PALM: variants seen among roughly 807,000 people sequenced by gnomAD.
PALM encodes the protein paralemmin-1.
In PALM, 18 loss-of-function variants were observed where a neutral mutation model predicts 30.7. That is an observed-to-expected ratio of 0.59 (90% confidence interval 0.41 to 0.87). The LOEUF (loss-of-function observed/expected upper bound fraction) is 0.87, where lower values mean the gene tolerates loss of function less well. PALM is among the 40% of genes least tolerant of loss of function. PALM has a pLI of 0.00. For synonymous variants in PALM, 286 were observed against 242.8 expected, an observed-to-expected ratio of 1.18 and a Z score of -1.66; for missense variants, 529 against 555.4, an observed-to-expected ratio of 0.95 and a Z score of 0.48.
chr19:720,279 C>A (rs936324709), intron 1 of PALM, among the ~76,000 whole-genome samples: 2 of 151,950 alleles, frequency 1.3e-5, no homozygotes, highest in South Asian at 4.1e-4. Flanking sequence ...CCCGCGGGCC[C>A]CTCCATCCAT....
chr19:728,021 G>A (rs62131299), intron 4 of PALM, among the ~76,000 whole-genome samples: 12 of 94,728 alleles, frequency 1.3e-4, no homozygotes, highest in Non-Finnish European at 1.6e-4. Flanking sequence ...CTGGCCAGCG[G>A]GGGACGTGAC....
At chr19:727,430 T>C (rs1209759760) in intron 3 of PALM, 134 bp from the exon 4 acceptor site, 2 of 696,378 alleles carry the variant, frequency 2.9e-6, no homozygotes, top group Non-Finnish European at 5.0e-6. Context: ...TCAGCACTGA[T>C]CCCAACCATA....
intron 5 of PALM, among the ~76,000 whole-genome samples, chr19:733,815 C>T (rs549148939): frequency 9.2e-5 from 14 of 151,972 alleles, no homozygotes; most frequent in South Asian, 6.2e-4. Context: ...GGAGAAACCC[C>T]GTCTCTACTA....
intron 8 of PALM, among the ~76,000 whole-genome samples, chr19:741,094 G>A (rs1408171676): frequency 6.6e-6 from 1 of 152,020 alleles, no homozygotes; most frequent in Non-Finnish European, 1.5e-5. Context: ...AGCCGTGATC[G>A]CACCACTGCA....
chr19:745,803 G>A (rs1009247310), intron 8 of PALM, among the ~76,000 whole-genome samples: 5 of 150,862 alleles, frequency 3.3e-5, no homozygotes, highest in African/African-American at 1.2e-4. Context: ...TCACGCCTGT[G>A]ATCCCAGCAC....
Position 731,159 on chromosome 19 carries a change from G to T in PALM, c.334G>T (p.Ala112Ser), listed in dbSNP as rs747718315. 1 of 1,609,246 alleles carries T rather than the reference G, an allele frequency of 6.2e-7. No individual in the cohort carries two copies. The highest frequency in any genetic ancestry group is 1.3e-5 in the African/African-American group (1 of 74,964). Residue 112 changes from alanine to serine, a missense_variant, in exon 5 of 9, where the codon GCG becomes TCG. Transcript: ENST00000338448. ...CGCCCCAGCCACTGCCAAGGAGAAC[G>T]CGGCGGCCCCGAGCCCAGTCCGGGC... ...DSAPATAKEN[A>S]AAPSPVRAPA...
intron 8 of PALM, among the ~76,000 whole-genome samples, chr19:744,162 A>C (rs1159467380): frequency 6.6e-6 from 1 of 152,156 alleles, no homozygotes; most frequent in Non-Finnish European, 1.5e-5. Context: ...GCACTTTGGG[A>C]GGCTGAGGCA....
chr19:739,890 C>T (rs1043012556), intron 7 of PALM, among the ~76,000 whole-genome samples: 1 of 152,158 alleles, frequency 6.6e-6, no homozygotes, highest in Non-Finnish European at 1.5e-5. Flanking sequence ...GCAGGAGAAT[C>T]GCTAGAACCG....
chr19:716,912 T>G (rs996175348), intron 1 of PALM, among the ~76,000 whole-genome samples: 2 of 152,076 alleles, frequency 1.3e-5, no homozygotes, highest in African/African-American at 4.8e-5. Flanking sequence ...AGCTCAGGCG[T>G]TTTTAGTACA....
intron 1 of PALM, chr19:719,013 T>G (rs1247425543): frequency 1.7e-4 from 18 of 107,344 alleles, no homozygotes; most frequent in Non-Finnish European, 2.5e-4. Flanking sequence ...ACCCCACACC[T>G]CGCAGCCCCG....
At chr19:725,925 G>A (rs1311062800) in intron 1 of PALM, among the ~76,000 whole-genome samples, 6 of 152,150 alleles carry the variant, frequency 3.9e-5, no homozygotes, top group Admixed American at 2.0e-4. Flanking sequence ...CTTCCTGGTC[G>A]CTAGGCAGAG....
intron 8 of PALM, among the ~76,000 whole-genome samples, chr19:741,709 C>G (rs74497968): frequency 1.3e-5 from 2 of 151,908 alleles, no homozygotes; most frequent in Admixed American, 6.6e-5. Context: ...TGGGTCCTGA[C>G]GGTGCTGAGG....
intron 1 of PALM, chr19:719,229 C>A: frequency 1.0e-6 from 1 of 985,580 alleles, no homozygotes; most frequent in Non-Finnish European, 1.2e-6. Context: ...GGACAGGGCC[C>A]GCCCTGCTCG....
At chr19:735,485 C>T in intron 6 of PALM, among the ~76,000 whole-genome samples, 1 of 72,492 alleles carries the variant, frequency 1.4e-5, no homozygotes, top group Non-Finnish European at 2.9e-5. Context: ...GCCCAGGTGC[C>T]TGTGTCCGGG....
At chr19:722,125 A>G (rs561300462) in intron 1 of PALM, among the ~76,000 whole-genome samples, 174 of 149,898 alleles carry the variant, frequency 1.2e-3, no homozygotes, top group African/African-American at 1.9e-3. Flanking sequence ...TCACCGTGTT[A>G]GCCAGGATGG....
intron 1 of PALM, among the ~76,000 whole-genome samples, chr19:723,550 CCA>C (rs1343927183): frequency 2.0e-5 from 3 of 152,106 alleles, no homozygotes; most frequent in Admixed American, 2.0e-4. Context: ...AAGCTCAGCC[CCA>C]GTCTAGGGCT....
intron 4 of PALM, 38 bp from the exon 5 acceptor site, chr19:731,057 A>C (rs1327547264): frequency 6.9e-7 from 1 of 1,451,268 alleles, no homozygotes; most frequent in South Asian, 1.3e-5. Flanking sequence ...CCCACCGGGG[A>C]TGCAGGAGTC....
chr19:719,635 G>T (rs2032390602), intron 1 of PALM: 2 of 986,056 alleles, frequency 2.0e-6, no homozygotes. Context: ...CTTTGCCCGG[G>T]ACTCAGCTCC....
chr19:719,312 T>G (rs1331454554), intron 1 of PALM: 1 of 985,252 alleles, frequency 1.0e-6, no homozygotes, highest in Non-Finnish European at 1.2e-6. Context: ...CGGAGGCCTC[T>G]GCGGGGCTCC....
Sources: gnomAD v4.1 joint callset for allele counts (sites outside exome capture counted in the v4.1 genomes callset) on GRCh38, gnomAD v4.1.1 for gene constraint, MANE v1.5 for transcripts, NCBI Gene and HGNC (gene_info 2026-07-23, HGNC 2026-07-21) for gene names.